SUPT3H: variants seen among roughly 807,000 people sequenced by gnomAD.
SUPT3H encodes the protein transcription initiation protein SPT3 homolog.
Under a neutral mutation model 44.3 loss-of-function variants are expected in SUPT3H, and 44 were observed. The observed-to-expected ratio is 0.99, with a 90% CI of 0.78 to 1.28. The LOEUF (loss-of-function observed/expected upper bound fraction) is 1.28. SUPT3H is among the 50% of genes most tolerant of loss of function. The pLI is 0.00. For missense variants in SUPT3H, 380 were observed against 387.1 expected (o/e 0.98, Z 0.15); for synonymous variants, 124 against 125.6 (o/e 0.99, Z 0.09).
intron 3 of SUPT3H, among the ~76,000 whole-genome samples, chr6:45,031,600 G>T (rs947351039): frequency 6.6e-6 from 1 of 152,254 alleles, no homozygotes; most frequent in South Asian, 2.1e-4. Context: ...TGGTCCTCAG[G>T]TTCTTCAAGT....
intron 2 of SUPT3H, among the ~76,000 whole-genome samples, chr6:45,213,681 A>G (rs1764507244): frequency 6.6e-6 from 1 of 152,162 alleles, no homozygotes; most frequent in Non-Finnish European, 1.5e-5. Flanking sequence ...ATAATTAATC[A>G]ATCAAATTAT....
intron 2 of SUPT3H, among the ~76,000 whole-genome samples, chr6:45,247,211 G>A (rs1005360667): frequency 6.6e-6 from 1 of 152,176 alleles, no homozygotes; most frequent in African/African-American, 2.4e-5. Flanking sequence ...CACTGAAGTA[G>A]AAAGAGACAA....
At chr6:45,333,367 CTG>C (rs1428134038) in intron 2 of SUPT3H, among the ~76,000 whole-genome samples, 3 of 151,532 alleles carry the variant, frequency 2.0e-5, no homozygotes, top group Non-Finnish European at 4.4e-5. Flanking sequence ...TCCCATACAA[CTG>C]TTTTAAGACC....
At chr6:44,906,008 C>A (rs1359174976) in intron 10 of SUPT3H, among the ~76,000 whole-genome samples, 1 of 151,966 alleles carries the variant, frequency 6.6e-6, no homozygotes, top group Admixed American at 6.6e-5. Flanking sequence ...GGGAACATCA[C>A]ACACCGGGGC....
intron 6 of SUPT3H, among the ~76,000 whole-genome samples, chr6:44,967,400 G>C (rs1002328235): frequency 2.0e-5 from 3 of 152,168 alleles, no homozygotes; most frequent in Admixed American, 1.3e-4. Flanking sequence ...CAGATACAGT[G>C]CCTAGTATAA....
In SUPT3H at chr6:45,245,003, C is replaced by T. The variant is rs148569387; in HGVS notation, c.101+120198G>A. Among the ~76,000 whole-genome samples, 324 of 152,210 alleles carry T rather than the reference C, an allele frequency of 2.1e-3. 1 individual carries two copies. Among genetic ancestry groups the T allele is most frequent in the African/African-American group, 7.5e-3 (310 of 41,552 alleles). On this transcript the variant is annotated intron_variant, in intron 2 of 10. Transcript: ENST00000371459. ...CCTAAAATTCCCATTTCATTATTTACAAACTCTTCCACAGTAAAACTAGCT... is the reference window on the plus strand; with the variant it reads ...CCTAAAATTCCCATTTCATTATTTATAAACTCTTCCACAGTAAAACTAGCT...
chr6:45,228,360 A>G (rs1767312933), intron 2 of SUPT3H, among the ~76,000 whole-genome samples: 1 of 152,152 alleles, frequency 6.6e-6, no homozygotes, highest in Non-Finnish European at 1.5e-5. Context: ...ATAGAGCAAA[A>G]GGCTGACCCT....
chr6:45,202,567 A>C (rs1376530288), intron 2 of SUPT3H, among the ~76,000 whole-genome samples: 1 of 152,052 alleles, frequency 6.6e-6, no homozygotes, highest in Non-Finnish European at 1.5e-5. Flanking sequence ...CAAATATCCC[A>C]TTTAGAAGTT....
chr6:45,290,383 C>G (rs1259963036), intron 2 of SUPT3H, among the ~76,000 whole-genome samples: 2 of 150,034 alleles, frequency 1.3e-5, no homozygotes, highest in African/African-American at 4.9e-5. Flanking sequence ...TTGTAGTACT[C>G]CAGTCAGGTC....
At chr6:45,283,807 C>T (rs1457406939) in intron 2 of SUPT3H, among the ~76,000 whole-genome samples, 1 of 152,070 alleles carries the variant, frequency 6.6e-6, no homozygotes, top group Non-Finnish European at 1.5e-5. Flanking sequence ...CACACCACAC[C>T]TATCCCAAAA....
rs994592475 is a variant in SUPT3H at position 45,294,761 on chromosome 6, A to C, written c.101+70440T>G. On this transcript the variant is annotated intron_variant, in intron 2 of 10. Transcript: ENST00000371459. The stretch of plus-strand genomic sequence containing the variant: ...AAAAAAAAAAAAAAAAAAAAAAAAA[A>C]AACAACTTAGGAATATACCTAACCA... Among the ~76,000 whole-genome samples, 67 of 128,640 alleles carry C rather than the reference A, an allele frequency of 5.2e-4. No homozygotes were observed. The East Asian group carries it at 9.6e-3, about 18-fold the overall frequency. The allele number at this position is 128,640 out of a possible 152,430, so 84.4% of individuals were successfully genotyped here. A position where few individuals can be genotyped will look rare whatever the true frequency, so the allele number is the denominator to read the frequency against.
At chr6:45,176,017 G>A (rs570281774) in intron 2 of SUPT3H, among the ~76,000 whole-genome samples, 16 of 152,124 alleles carry the variant, frequency 1.1e-4, no homozygotes, top group Non-Finnish European at 1.9e-4. Flanking sequence ...GACTCAATCT[G>A]ATTGCTCACC....
At chr6:44,864,900 A>C (rs1421304641) in intron 10 of SUPT3H, among the ~76,000 whole-genome samples, 3 of 152,156 alleles carry the variant, frequency 2.0e-5, no homozygotes, top group Non-Finnish European at 4.4e-5. Flanking sequence ...AGCTGGCTTG[A>C]ATTTCTCCTC....
intron 3 of SUPT3H, among the ~76,000 whole-genome samples, chr6:45,077,777 T>G (rs1401809196): frequency 6.6e-6 from 1 of 151,854 alleles, no homozygotes; most frequent in East Asian, 1.9e-4. Flanking sequence ...GAAAGATAGA[T>G]CAAAATGACA....
chr6:44,923,713 A>G (rs780612218), intron 10 of SUPT3H, among the ~76,000 whole-genome samples: 4 of 152,104 alleles, frequency 2.6e-5, no homozygotes, highest in Non-Finnish European at 2.9e-5. Flanking sequence ...ACAGAACTGA[A>G]TAATTTCTTA....
At chr6:45,158,298 ATTT>A (rs56882164) in intron 2 of SUPT3H, among the ~76,000 whole-genome samples, 2,334 of 99,630 alleles carry the variant, frequency 0.023, 86 homozygotes, top group Middle Eastern at 0.056. Flanking sequence ...ATATATATAT[ATTT>A]TTTTTTTTTT....
At chr6:44,859,099 A>G (rs1774199415) in intron 10 of SUPT3H, among the ~76,000 whole-genome samples, 1 of 152,200 alleles carries the variant, frequency 6.6e-6, no homozygotes, top group Admixed American at 6.5e-5. Flanking sequence ...TGATATAAAG[A>G]GGTAAAAAGA....
At chr6:45,274,226 C>T (rs932176129) in intron 2 of SUPT3H, among the ~76,000 whole-genome samples, 1 of 152,132 alleles carries the variant, frequency 6.6e-6, no homozygotes, top group East Asian at 1.9e-4. Context: ...AAATTTTCTC[C>T]CATTGAGTGA....
Position 45,003,662 on chromosome 6 carries a change from T to G in SUPT3H, c.495A>C (p.Glu165Asp). 1 of 1,613,564 alleles carries G rather than the reference T, an allele frequency of 6.2e-7. No individual in the cohort carries two copies. The highest frequency in any genetic ancestry group is 8.5e-7 in the Non-Finnish European group (1 of 1,179,712). Reference protein sequence around the residue: ...EDDEIDEVKQERMERAERQTR... With the variant: ...EDDEIDEVKQDRMERAERQTR... ...GAAGAATGTACTATACCTCCATTCTTTCTTGTTTAACTTCATCAATTTCGT... is the reference window on the plus strand; with the variant it reads ...GAAGAATGTACTATACCTCCATTCTGTCTTGTTTAACTTCATCAATTTCGT... Residue 165 changes from glutamate to aspartate, a missense_variant, in exon 6 of 11, where the codon GAA becomes GAC. Transcript: ENST00000371459.
Sources: allele counts gnomAD v4.1 joint callset (sites outside exome capture counted in the v4.1 genomes callset), GRCh38; gene constraint gnomAD v4.1.1; transcripts MANE v1.5; gene names NCBI Gene and HGNC (gene_info 2026-07-23, HGNC 2026-07-21).